ADAM23: variants seen among roughly 807,000 people sequenced by gnomAD.
The protein encoded by ADAM23 is disintegrin and metalloproteinase domain-containing protein 23.
ADAM23 carries 33 observed loss-of-function variants against 120.1 expected under a neutral mutation model. The ratio of observed to expected loss-of-function variants is 0.27; its 90% CI spans 0.21 to 0.37. ADAM23 has a LOEUF of 0.37. Among genes scored for constraint, ADAM23 ranks in the 10% least tolerant of loss-of-function variants. The pLI is 1.00. For synonymous variants in ADAM23, 367 were observed against 375.2 expected, an observed-to-expected ratio of 0.98 and a Z score of 0.25; for missense variants, 862 against 1,058.2, an observed-to-expected ratio of 0.81 and a Z score of 2.57.
intron 2 of ADAM23, among the ~76,000 whole-genome samples, chr2:206,453,266 A>G (rs1351927005): frequency 6.6e-6 from 1 of 152,240 alleles, no homozygotes; most frequent in Non-Finnish European, 1.5e-5. Flanking sequence ...GACCAGTGGC[A>G]AGAACCGAAT....
chr2:206,509,066 A>G (rs1696566817), intron 3 of ADAM23, among the ~76,000 whole-genome samples: 1 of 152,254 alleles, frequency 6.6e-6, no homozygotes, highest in South Asian at 2.1e-4. Flanking sequence ...AGAAGATAGC[A>G]ATAGATGTTT....
At chr2:206,597,903 A>G (rs1698560684) in intron 24 of ADAM23, among the ~76,000 whole-genome samples, 1 of 152,236 alleles carries the variant, frequency 6.6e-6, no homozygotes, top group South Asian at 2.1e-4. Flanking sequence ...AGGCTGATTC[A>G]GGCGCATGTG....
At chr2:206,539,201 C>T (rs2105804676) in intron 4 of ADAM23, among the ~76,000 whole-genome samples, 1 of 152,256 alleles carries the variant, frequency 6.6e-6, no homozygotes, top group East Asian at 1.9e-4. Context: ...AGGGAGCATA[C>T]TAGGATTTTT....
In ADAM23 at chr2:206,618,052, A is replaced by T. The variant is rs143434140; in HGVS notation, c.*425A>T. ...TTTTTTTTCTTTACTACCGATGACA[A>T]ACTCCAGTGGCATGAAGATCTAATT... On this transcript the variant is annotated 3_prime_UTR_variant, in exon 26 of 26. Coordinates refer to ENST00000264377, the MANE Select transcript of ADAM23 (RefSeq NM_003812.4). 546 of 159,930 alleles carry T rather than the reference A, an allele frequency of 3.4e-3. 7 individuals carry two copies. Among genetic ancestry groups the T allele is most frequent in the African/African-American group, 0.012 (515 of 41,674 alleles). The allele number at this position is 159,930 out of a possible 1,614,324, so 9.9% of individuals were successfully genotyped here.
Position 206,620,404 on chromosome 2 carries a change from C to T in ADAM23, c.*2777C>T, listed in dbSNP as rs1179473922. On this transcript the variant is annotated 3_prime_UTR_variant, in exon 26 of 26. Coordinates refer to ENST00000264377, the MANE Select transcript of ADAM23 (RefSeq NM_003812.4). ...GTGTGTATGAATATGAAAGTTAATG[C>T]AACCATATCAATTGTAAAAATGGAT... 3.3e-5 allele frequency: 5 copies of T among 152,098 alleles called. No individual in the cohort carries two copies. Among genetic ancestry groups the T allele is most frequent in the Non-Finnish European group, 5.9e-5 (4 of 68,030 alleles). The allele number at this position is 152,098 out of a possible 1,614,324, so 9.4% of individuals were successfully genotyped here. A position where few individuals can be genotyped will look rare whatever the true frequency, so the allele number is the denominator to read the frequency against.
intron 3 of ADAM23, among the ~76,000 whole-genome samples, chr2:206,489,155 G>A (rs1696077373): frequency 6.6e-6 from 1 of 152,194 alleles, no homozygotes; most frequent in Admixed American, 6.5e-5. Context: ...AGCTGTGGCT[G>A]GGGACAGCTT....
intron 3 of ADAM23, among the ~76,000 whole-genome samples, chr2:206,522,992 A>G (rs1330199648): frequency 1.3e-5 from 2 of 152,136 alleles, no homozygotes; most frequent in Non-Finnish European, 2.9e-5. Flanking sequence ...AACATCTTTC[A>G]TCTTTTATTT....
rs1279458213 is a variant in ADAM23, at chr2:206,573,131, A to G, written c.1673A>G (p.Tyr558Cys). 4 of 1,613,920 alleles carry G rather than the reference A, an allele frequency of 2.5e-6. No individual in the cohort carries two copies. The highest frequency in any genetic ancestry group is 2.5e-6 in the Non-Finnish European group (3 of 1,179,906). Residue 558 changes from tyrosine (Y) to cysteine (C), a missense_variant, in exon 18 of 26, where the codon TAT becomes TGT. Transcript: ENST00000264377. Reference sequence around the variant, plus strand: ...GATTTGCAGTTTCAGCCACGAGGGTATGAATGCCGGGATGCTGTGAACGAG... The same window carrying G: ...GATTTGCAGTTTCAGCCACGAGGGTGTGAATGCCGGGATGCTGTGAACGAG... Reference protein sequence around the residue: ...NTSCLFQPRGYECRDAVNECD... With the variant: ...NTSCLFQPRGCECRDAVNECD...
At chr2:206,568,317 T>C (rs1170722998) in intron 15 of ADAM23, among the ~76,000 whole-genome samples, 1 of 152,232 alleles carries the variant, frequency 6.6e-6, no homozygotes, top group East Asian at 1.9e-4. Context: ...TCACAATCCC[T>C]TATTCGTGTA....
chr2:206,586,955 G>A (rs770802299), intron 18 of ADAM23, among the ~76,000 whole-genome samples: 10 of 152,136 alleles, frequency 6.6e-5, no homozygotes, highest in Non-Finnish European at 1.2e-4. Flanking sequence ...AGAGAGCTGA[G>A]CAACTTCTTG....
chr2:206,570,170 G>A (rs911600463), intron 15 of ADAM23, among the ~76,000 whole-genome samples: 1 of 152,160 alleles, frequency 6.6e-6, no homozygotes, highest in African/African-American at 2.4e-5. Context: ...AGAGATTTCT[G>A]TATATCCATA....
rs117001308 is a variant in ADAM23 at position 206,546,935 on chromosome 2, T to C, written c.721-494T>C. 3.3e-3 allele frequency among the ~76,000 whole-genome samples: 506 copies of C among 152,314 alleles called. 6 individuals carry two copies. The East Asian group carries it at 0.067, about 20-fold the overall frequency. On this transcript the variant is annotated intron_variant, in intron 6 of 25. Coordinates refer to ENST00000264377, the MANE Select transcript of ADAM23 (RefSeq NM_003812.4). Reference sequence around the variant, plus strand: ...GTAAATGTTTTCACGTTTGTTGATATACCTTACTAAATTTCTCTCTCAAAC... The same window carrying C: ...GTAAATGTTTTCACGTTTGTTGATACACCTTACTAAATTTCTCTCTCAAAC...
chr2:206,589,980 ATC>A (rs935773228), intron 21 of ADAM23, among the ~76,000 whole-genome samples: 4 of 152,186 alleles, frequency 2.6e-5, no homozygotes, highest in Non-Finnish European at 2.9e-5. Context: ...TTAATCAGAT[ATC>A]TAATATCTAC....
At chr2:206,585,022 G>C (rs151270740) in intron 18 of ADAM23, among the ~76,000 whole-genome samples, 1 of 152,268 alleles carries the variant, frequency 6.6e-6, no homozygotes, top group East Asian at 1.9e-4. Flanking sequence ...CTCCAGCGGG[G>C]GTGTGTGTTC....
intron 2 of ADAM23, among the ~76,000 whole-genome samples, chr2:206,459,540 T>A (rs561913181): frequency 6.6e-6 from 1 of 152,330 alleles, no homozygotes; most frequent in African/African-American, 2.4e-5. Context: ...TAAACATTTA[T>A]TAACTTACTT....
chr2:206,620,409 A>G lies in ADAM23; in HGVS notation c.*2782A>G, dbSNP rs538652352. 1 of 152,322 alleles carries G rather than the reference A, an allele frequency of 6.6e-6. No homozygotes were observed. The highest frequency in any genetic ancestry group is 6.5e-5 in the Admixed American group (1 of 15,296). 9.4% of individuals were successfully genotyped at this position (152,322 alleles called of 1,614,324 possible). A position where few individuals can be genotyped will look rare whatever the true frequency, so the allele number is the denominator to read the frequency against. On this transcript the variant is annotated 3_prime_UTR_variant, in exon 26 of 26. Coordinates refer to ENST00000264377, the MANE Select transcript of ADAM23 (RefSeq NM_003812.4). ...TATGAATATGAAAGTTAATGCAACC[A>G]TATCAATTGTAAAAATGGATTATAA... is the stretch of plus-strand genomic sequence containing the variant.
intron 9 of ADAM23, 21 bp from the exon 10 acceptor site, chr2:206,557,406 T>G (rs1697667801): frequency 6.3e-7 from 1 of 1,592,026 alleles, no homozygotes; most frequent in Non-Finnish European, 8.6e-7. Flanking sequence ...TGGCAGTGAC[T>G]GGTATGTATT....
chr2:206,535,205 G>T (rs143414439), intron 4 of ADAM23, among the ~76,000 whole-genome samples: 1 of 152,258 alleles, frequency 6.6e-6, no homozygotes, highest in African/African-American at 2.4e-5. Context: ...GTGACATTTT[G>T]ATGTTTCAAT....
chr2:206,457,815 A>G (rs1661866901), intron 2 of ADAM23, among the ~76,000 whole-genome samples: 1 of 152,230 alleles, frequency 6.6e-6, no homozygotes. Context: ...AATATTTTCT[A>G]ATACAGAAGT....
Sources: allele counts gnomAD v4.1 joint callset (sites outside exome capture counted in the v4.1 genomes callset), GRCh38; gene constraint gnomAD v4.1.1; transcripts MANE v1.5; gene names NCBI Gene and HGNC (gene_info 2026-07-23, HGNC 2026-07-21).